ADGRL2: variants seen among roughly 807,000 people sequenced by gnomAD.
The protein encoded by ADGRL2 is calcium-independent alpha-latrotoxin receptor 2.
Under a neutral mutation model 157.4 loss-of-function variants are expected in ADGRL2, and 44 were observed. The ratio of observed to expected loss-of-function variants is 0.28; its 90% CI spans 0.22 to 0.36. The LOEUF (loss-of-function observed/expected upper bound fraction) is 0.36. ADGRL2 is among the 10% of genes least tolerant of loss of function. The pLI is 1.00. For missense variants in ADGRL2, 1,510 were observed against 1,768.9 expected, an observed-to-expected ratio of 0.85 and a Z score of 2.63; for synonymous variants, 585 against 624.7, an observed-to-expected ratio of 0.94 and a Z score of 0.95.
At chr1:81,392,428 T>C (rs986110782) in intron 1 of ADGRL2, among the ~76,000 whole-genome samples, 1 of 151,978 alleles carries the variant, frequency 6.6e-6, no homozygotes, top group Non-Finnish European at 1.5e-5. Context: ...TTTACCAATT[T>C]CTGCAAAATT....
intron 3 of ADGRL2, among the ~76,000 whole-genome samples, chr1:81,918,007 A>T (rs187746699): frequency 6.6e-6 from 1 of 152,314 alleles, no homozygotes; most frequent in African/African-American, 2.4e-5. Context: ...CTCTGATTTC[A>T]TTCTCTGACT....
chr1:81,758,944 A>G (rs190392514), intron 1 of ADGRL2, among the ~76,000 whole-genome samples: 1 of 152,146 alleles, frequency 6.6e-6, no homozygotes, highest in Admixed American at 6.6e-5. Context: ...TTTTAATTAA[A>G]CTTCTCTTAT....
At chr1:81,540,787 A>T (rs985882750) in intron 2 of ADGRL2, among the ~76,000 whole-genome samples, 29 of 152,198 alleles carry the variant, frequency 1.9e-4, no homozygotes, top group African/African-American at 6.8e-4. Context: ...CAAAAAGGTA[A>T]TTATGTGAAT....
At chr1:81,690,331 A>G (rs2083307401) in intron 3 of ADGRL2, among the ~76,000 whole-genome samples, 1 of 152,124 alleles carries the variant, frequency 6.6e-6, no homozygotes, top group Non-Finnish European at 1.5e-5. Flanking sequence ...CATCTCTACT[A>G]AAAATACAAA....
chr1:81,639,455 A>G (rs1244621347), intron 3 of ADGRL2, among the ~76,000 whole-genome samples: 1 of 147,912 alleles, frequency 6.8e-6, no homozygotes, highest in Non-Finnish European at 1.5e-5. Flanking sequence ...CATAATCCTA[A>G]CACTTTGGGA....
chr1:81,639,752 TAAAAATATATGAGACAAACTC>T (rs2082183138), intron 3 of ADGRL2, among the ~76,000 whole-genome samples: 1 of 152,038 alleles, frequency 6.6e-6, no homozygotes, highest in Non-Finnish European at 1.5e-5. Context: ...CAACAGAATG[TAAAAATATATGAGACAAACTC>T]TTTCACTTCA....
At chr1:81,865,031 C>T (rs1255256638) in intron 2 of ADGRL2, among the ~76,000 whole-genome samples, 1 of 152,004 alleles carries the variant, frequency 6.6e-6, no homozygotes, top group Non-Finnish European at 1.5e-5. Flanking sequence ...TTACGGCTTC[C>T]AGTATACCAC....
intron 11 of ADGRL2, among the ~76,000 whole-genome samples, chr1:81,963,958 T>C (rs1281637101): frequency 3.3e-5 from 5 of 151,306 alleles, no homozygotes; most frequent in African/African-American, 1.2e-4. Flanking sequence ...TTTCTTTTAG[T>C]CAGTTTTATT....
intron 1 of ADGRL2, among the ~76,000 whole-genome samples, chr1:81,337,559 T>G (rs145829404): frequency 1.8e-3 from 271 of 152,328 alleles, no homozygotes; most frequent in Non-Finnish European, 3.0e-3. Context: ...ATGAGAGCTC[T>G]CAGAGAAATC....
chr1:81,580,926 G>C (rs548076316), exon 3 of ADGRL2: 3 of 152,290 alleles, frequency 2.0e-5, no homozygotes, highest in African/African-American at 7.2e-5. Flanking sequence ...ATGAAGGCTT[G>C]TGGCTGTCCT....
At chr1:81,518,245 A>G (rs2079227182) in intron 2 of ADGRL2, among the ~76,000 whole-genome samples, 1 of 152,188 alleles carries the variant, frequency 6.6e-6, no homozygotes, top group Non-Finnish European at 1.5e-5. Context: ...AGAAACAAAC[A>G]CCACCTTTCA....
intron 3 of ADGRL2, among the ~76,000 whole-genome samples, chr1:81,643,545 G>T (rs1225118359): frequency 6.6e-6 from 1 of 152,100 alleles, no homozygotes; most frequent in African/African-American, 2.4e-5. Flanking sequence ...CCAGACTCAA[G>T]CAATCCTCCT....
At chr1:81,459,137 G>C (rs151219243) in intron 2 of ADGRL2, among the ~76,000 whole-genome samples, 1 of 152,060 alleles carries the variant, frequency 6.6e-6, no homozygotes, top group Non-Finnish European at 1.5e-5. Flanking sequence ...GGGTGGTCTT[G>C]GAAAAAGCAC....
At chr1:81,956,851 T>C (rs1342220155) in intron 11 of ADGRL2, among the ~76,000 whole-genome samples, 1 of 152,096 alleles carries the variant, frequency 6.6e-6, no homozygotes, top group Non-Finnish European at 1.5e-5. Flanking sequence ...CTAACTTCAT[T>C]AGGGCAGCAG....
intron 1 of ADGRL2, among the ~76,000 whole-genome samples, chr1:81,319,236 C>T (rs973735778): frequency 2.6e-5 from 4 of 151,974 alleles, no homozygotes; most frequent in African/African-American, 4.8e-5. Flanking sequence ...CGTGAGCCAC[C>T]GCGCCCAGCT....
rs115870727 is a variant in ADGRL2 at position 81,899,778 on chromosome 1, T to C, written c.74-7239T>C. On this transcript the variant is annotated intron_variant, in intron 2 of 23. Transcript: ENST00000686636. ...CGGCTTGGAATGAATATCACAGTAA[T>C]AGTGTGGTTAAAAGGCTTTAATTTG... Among the ~76,000 whole-genome samples the C allele has an allele frequency of 3.4e-3, 525 of 152,210 alleles. 3 individuals are homozygous for C. Among genetic ancestry groups the C allele is most frequent in the South Asian group, 0.011 (52 of 4,828 alleles).
chr1:81,427,600 C>A, intron 1 of ADGRL2: 1 of 705,926 alleles, frequency 1.4e-6, no homozygotes, highest in South Asian at 1.5e-5. Context: ...GATATAGGAG[C>A]AGAAGGTTTT....
intron 2 of ADGRL2, among the ~76,000 whole-genome samples, chr1:81,448,588 C>A (rs989280337): frequency 1.3e-5 from 2 of 152,064 alleles, no homozygotes; most frequent in African/African-American, 2.4e-5. Context: ...TATAACCTAG[C>A]ACTTTGGGCT....
At chr1:81,890,944 C>G (rs773929104) in intron 2 of ADGRL2, among the ~76,000 whole-genome samples, 4 of 152,094 alleles carry the variant, frequency 2.6e-5, no homozygotes, top group African/African-American at 7.2e-5. Context: ...CACCTTAACC[C>G]AAGTCCCGTT....
Sources: allele counts gnomAD v4.1 joint callset (sites outside exome capture counted in the v4.1 genomes callset), GRCh38; gene constraint gnomAD v4.1.1; transcripts MANE v1.5; gene names NCBI Gene and HGNC (gene_info 2026-07-23, HGNC 2026-07-21).